LMX1B: variants seen among roughly 807,000 people sequenced by gnomAD.
LMX1B encodes the protein LIM homeobox transcription factor 1-beta.
LMX1B carries 12 observed loss-of-function variants against 51.4 expected under a neutral mutation model. That is an observed-to-expected ratio of 0.23 (90% CI 0.15 to 0.38). The LOEUF (loss-of-function observed/expected upper bound fraction) is 0.38. Among genes scored for constraint, LMX1B ranks in the 10% least tolerant of loss-of-function variants. The pLI is 1.00. For synonymous variants in LMX1B, 237 were observed against 235.4 expected (o/e 1.01, Z -0.06); for missense variants, 445 against 571.1 (o/e 0.78, Z 2.25).
At chr9:126,663,402 C>A (rs1000395159) in intron 2 of LMX1B, among the ~76,000 whole-genome samples, 1 of 144,726 alleles carries the variant, frequency 6.9e-6, no homozygotes, top group Admixed American at 7.0e-5. Context: ...CCAACCTAGG[C>A]GACAAGGCAA....
intron 2 of LMX1B, among the ~76,000 whole-genome samples, chr9:126,660,166 C>A (rs1451578388): frequency 1.1e-5 from 1 of 94,228 alleles, no homozygotes; most frequent in Admixed American, 9.9e-5. Context: ...TAGAGATTGT[C>A]CTGTGTGGGG....
chr9:126,621,684 A>G (rs576328597), intron 2 of LMX1B, among the ~76,000 whole-genome samples: 5 of 74,168 alleles, frequency 6.7e-5, no homozygotes, highest in Non-Finnish European at 1.2e-4. Context: ...TTTTTTTTGC[A>G]GTAAATGTTT....
At chr9:126,661,393 G>A (rs1297720361) in intron 2 of LMX1B, among the ~76,000 whole-genome samples, 1 of 152,218 alleles carries the variant, frequency 6.6e-6, no homozygotes, top group Non-Finnish European at 1.5e-5. Context: ...CTGAGCAGTT[G>A]GACAGACTAG....
chr9:126,650,354 G>A (rs986719388), intron 2 of LMX1B, among the ~76,000 whole-genome samples: 1 of 152,206 alleles, frequency 6.6e-6, no homozygotes, highest in Admixed American at 6.5e-5. Flanking sequence ...GGGAAGCCGA[G>A]ACCAGAGCTG....
chr9:126,614,046 G>GCCC lies in LMX1B; in HGVS notation c.-398_-396dup, dbSNP rs531328889. Among the ~76,000 whole-genome samples, 3,056 of 104,594 alleles carry GCCC rather than the reference G, an allele frequency of 0.029. 134 individuals carry two copies. The highest frequency in any genetic ancestry group is 0.038 in the Non-Finnish European group (1,854 of 48,874). 68.6% of individuals were successfully genotyped at this position (104,594 alleles called of 152,430 possible). ...CGCCCGGGACCCCGCTGCGCCGCGC[G>GCCC]CCCCCCCCGCGGCCCGCGGGGCCGC... On this transcript the variant is annotated 5_prime_UTR_variant, in exon 1 of 8. Coordinates refer to ENST00000373474, the MANE Select transcript of LMX1B (RefSeq NM_001174147.2).
chr9:126,656,723 C>G (rs552936446), intron 2 of LMX1B, among the ~76,000 whole-genome samples: 10 of 152,326 alleles, frequency 6.6e-5, no homozygotes, highest in Non-Finnish European at 1.5e-4. Context: ...CAAGGTTTCT[C>G]AGGCTCAGCA....
At position 126,671,831 on chromosome 9, in the gene LMX1B, C is replaced by T. The variant is rs1363851250; in HGVS notation, c.327-19005C>T. On this transcript the variant is annotated intron_variant, in intron 2 of 7. Coordinates refer to ENST00000373474, the MANE Select transcript of LMX1B (RefSeq NM_001174147.2). The surrounding 1 kb of genome is among the most constrained non-coding windows in gnomAD (Gnocchi z 4.4). ...GGCCCCCCACAGCCCAGGCCCCCAGCGGCCCAGAGGCCACTTGGCCAGGCC... is the reference window on the plus strand; with the variant it reads ...GGCCCCCCACAGCCCAGGCCCCCAGTGGCCCAGAGGCCACTTGGCCAGGCC... 2.0e-5 allele frequency among the ~76,000 whole-genome samples: 3 copies of T among 152,226 alleles called. No homozygotes were observed. The highest frequency in any genetic ancestry group is 4.4e-5 in the Non-Finnish European group (3 of 68,034).
At chr9:126,660,479 G>A (rs139018119) in intron 2 of LMX1B, among the ~76,000 whole-genome samples, 2,300 of 152,272 alleles carry the variant, frequency 0.015, 31 homozygotes, top group Non-Finnish European at 0.022. Flanking sequence ...CAGGTGGCCT[G>A]GGGTCAAACC....
At chr9:126,629,246 C>T (rs1835590557) in intron 2 of LMX1B, among the ~76,000 whole-genome samples, 2 of 152,230 alleles carry the variant, frequency 1.3e-5, no homozygotes, top group Admixed American at 6.5e-5. Context: ...GTTTGTGAGC[C>T]GCAGAAGGAA....
At chr9:126,643,413 G>A (rs1007974384) in intron 2 of LMX1B, among the ~76,000 whole-genome samples, 3 of 152,152 alleles carry the variant, frequency 2.0e-5, no homozygotes, top group Non-Finnish European at 4.4e-5. Flanking sequence ...CCCTGGCTCA[G>A]TCACTGCCCA....
In LMX1B at chr9:126,641,563, C is replaced by T. The variant is rs138221866; in HGVS notation, c.326+25994C>T. On this transcript the variant is annotated intron_variant, in intron 2 of 7. Transcript: ENST00000373474. The surrounding 1 kb of genome is among the most constrained non-coding windows in gnomAD (Gnocchi z 4.1). ...AGCTGGGCTGGGCTGGGTTAGGCGA[C>T]CACCCCCACCCAGCTGGGTTCCTCC... is the stretch of plus-strand genomic sequence containing the variant. Among the ~76,000 whole-genome samples the T allele has an allele frequency of 2.0e-5, 3 of 152,246 alleles. No homozygotes were observed. Among genetic ancestry groups the T allele is most frequent in the Non-Finnish European group, 4.4e-5 (3 of 67,988 alleles).
rs376229612 is a variant in LMX1B, at chr9:126,690,829, T to TCCG, written c.327-5_327-3dup. On this transcript the variant is annotated splice_polypyrimidine_tract_variant and splice_region_variant and intron_variant, in intron 2 of 7. Coordinates refer to ENST00000373474, the MANE Select transcript of LMX1B (RefSeq NM_001174147.2). Reference sequence around the variant, plus strand: ...ACCGCCAACACGCCCGCTTTGTGCATCCGCAGGCTCTTCGCGGCCAAGTGC... The same window carrying TCCG: ...ACCGCCAACACGCCCGCTTTGTGCATCCGCCGCAGGCTCTTCGCGGCCAAGTGC... 38 of 1,603,500 alleles carry TCCG rather than the reference T, an allele frequency of 2.4e-5. No homozygotes were observed. In the African/African-American group the frequency reaches 3.1e-4, roughly 13 times the overall value.
intron 2 of LMX1B, among the ~76,000 whole-genome samples, chr9:126,639,330 C>T (rs1463592024): frequency 6.6e-6 from 1 of 152,152 alleles, no homozygotes. Context: ...ATGGGGCTCC[C>T]AGCCAGCCTG....
rs1428803574 is a variant in LMX1B, at chr9:126,641,767, C to G, written c.326+26198C>G. Among the ~76,000 whole-genome samples, 2 of 152,172 alleles carry G rather than the reference C, an allele frequency of 1.3e-5. No individual in the cohort carries two copies. The highest frequency in any genetic ancestry group is 4.8e-5 in the African/African-American group (2 of 41,434). The stretch of plus-strand genomic sequence containing the variant: ...TCTCACCATCTCTCCCAGGTTTCTG[C>G]TGGATCCAATCCACCTTCCACACAG... On this transcript the variant is annotated intron_variant, in intron 2 of 7. Coordinates refer to ENST00000373474, the MANE Select transcript of LMX1B (RefSeq NM_001174147.2). This position sits in a 1 kb window ranked among gnomAD's most constrained non-coding sequence, Gnocchi z 4.1.
At chr9:126,627,540 G>A (rs1158685499) in intron 2 of LMX1B, among the ~76,000 whole-genome samples, 1 of 151,994 alleles carries the variant, frequency 6.6e-6, no homozygotes, top group Non-Finnish European at 1.5e-5. Context: ...GGTGGGAGGG[G>A]CTCTTCCCCC....
chr9:126,646,752 G>A (rs1176503428), intron 2 of LMX1B, among the ~76,000 whole-genome samples: 1 of 152,204 alleles, frequency 6.6e-6, no homozygotes, highest in African/African-American at 2.4e-5. Flanking sequence ...CTCCTGCCCT[G>A]TGCAGACCCT....
In LMX1B at chr9:126,614,375, G is replaced by A. The variant is rs1442498837; in HGVS notation, c.-75G>A. ...CGCGCCTCCCCGGTTCCAGGGCCGC[G>A]GCGGCGGAGAGCGGGTGGACGGGCC... is the stretch of plus-strand genomic sequence containing the variant. On this transcript the variant is annotated 5_prime_UTR_variant, in exon 1 of 8. Transcript: ENST00000373474. 11 of 1,148,500 alleles carry A rather than the reference G, an allele frequency of 9.6e-6. No homozygotes were observed. The African/African-American group carries it at 1.7e-4, about 17-fold the overall frequency. The allele number at this position is 1,148,500 out of a possible 1,614,324, so 71.1% of individuals were successfully genotyped here.
At chr9:126,687,268 G>A (rs972791130) in intron 2 of LMX1B, among the ~76,000 whole-genome samples, 16 of 150,228 alleles carry the variant, frequency 1.1e-4, no homozygotes, top group African/African-American at 2.0e-4. Flanking sequence ...TCTCTCTGTC[G>A]CCCAGGCTGG....
At chr9:126,627,680 AC>A (rs1835561217) in intron 2 of LMX1B, among the ~76,000 whole-genome samples, 1 of 152,068 alleles carries the variant, frequency 6.6e-6, no homozygotes, top group South Asian at 2.1e-4. Context: ...TCCAGTGACC[AC>A]AGTTGAGTGC....
Sources: gnomAD v4.1 joint callset for allele counts (sites outside exome capture counted in the v4.1 genomes callset) on GRCh38, gnomAD v4.1.1 for gene constraint, Gnocchi (gnomAD v3.1) non-coding constraint, MANE v1.5 for transcripts, NCBI Gene and HGNC (gene_info 2026-07-23, HGNC 2026-07-21) for gene names.